The following SLC6A16 variants were observed in gnomAD, a reference collection of about 807,000 sequenced individuals.
The protein encoded by SLC6A16 is orphan sodium- and chloride-dependent neurotransmitter transporter NTT5.
In SLC6A16, 54 loss-of-function variants were observed where a neutral mutation model predicts 65.4. The ratio of observed to expected loss-of-function variants is 0.83; its 90% CI spans 0.66 to 1.04. The LOEUF is 1.04. SLC6A16 is among the 50% of genes least tolerant of loss of function. The probability of loss-of-function intolerance (pLI) is 0.00; values close to 1 mark genes in which losing one functional copy is unlikely to be tolerated. For missense variants in SLC6A16, 816 were observed against 914.0 expected, an observed-to-expected ratio of 0.89 and a Z score of 1.38; for synonymous variants, 330 against 346.5, an observed-to-expected ratio of 0.95 and a Z score of 0.53.
chr19:49,318,868 ATTTTTT>A (rs71180618), intron 1 of SLC6A16, among the ~76,000 whole-genome samples: 6 of 104,584 alleles, frequency 5.7e-5, no homozygotes, highest in African/African-American at 2.3e-4. Flanking sequence ...ACAACTGGCT[ATTTTTT>A]TTTTTTTTTT....
At chr19:49,329,641 T>C (rs1051019828), upstream of SLC6A16, among the ~76,000 whole-genome samples, 1 of 142,794 alleles carries the variant, frequency 7.0e-6, no homozygotes, top group African/African-American at 2.6e-5. Context: ...TTTTTTTTTT[T>C]TTTTTTGAGA....
intron 7 of SLC6A16, among the ~76,000 whole-genome samples, chr19:49,306,826 G>A (rs999761429): frequency 6.6e-6 from 1 of 152,050 alleles, no homozygotes; most frequent in Non-Finnish European, 1.5e-5. Context: ...ATAGGCATGA[G>A]CCACCGCACC....
upstream of SLC6A16, among the ~76,000 whole-genome samples, chr19:49,329,122 C>A (rs1248426468): frequency 6.6e-6 from 1 of 151,996 alleles, no homozygotes; most frequent in Non-Finnish European, 1.5e-5. Flanking sequence ...AGATAGAGTC[C>A]TGCTCTGTTG....
intron 1 of SLC6A16, among the ~76,000 whole-genome samples, chr19:49,312,955 C>T (rs1430827579): frequency 1.3e-5 from 2 of 151,740 alleles, no homozygotes; most frequent in East Asian, 1.9e-4. Flanking sequence ...CAGTGGCTCA[C>T]GCCTGTAATC....
chr19:49,294,456 T>C lies in SLC6A16; in HGVS notation c.1327A>G (p.Asn443Asp), dbSNP rs1452248110. The C allele has an allele frequency of 1.4e-5, 23 of 1,614,042 alleles. No homozygotes were observed. Among genetic ancestry groups the C allele is most frequent in the Non-Finnish European group, 1.8e-5 (21 of 1,180,002 alleles). Residue 443 changes from asparagine (N) to aspartate (D), a missense_variant, in exon 8 of 12, where the codon AAT becomes GAT. Asn to Asp is a conservative substitution (Grantham distance 23). Transcript: ENST00000335875. ...TGGGGAAGGCCACTGAGCCAGGCAT[T>C]GTAGATGGAGGTTGGGTTGTAAAGC... ...NLLYNPTSIY[N>D]AWLSGLPQHI...
the SLC6A16 span, chr19:49,339,661 A>G: frequency 1.4e-6 from 2 of 1,427,218 alleles, no homozygotes; most frequent in Non-Finnish European, 9.1e-7. The surrounding 1 kb of genome is among the most constrained non-coding windows in gnomAD (Gnocchi z 4.5). Flanking sequence ...TCCGCAGATG[A>G]CTGTCATGGT....
chr19:49,335,759 G>A, the SLC6A16 span: 20 of 1,613,432 alleles, frequency 1.2e-5, no homozygotes, highest in Middle Eastern at 1.6e-4. This position sits in a 1 kb window ranked among gnomAD's most constrained non-coding sequence, Gnocchi z 4.6. Flanking sequence ...GATCCTCATT[G>A]ACAAGACCAG....
intron 1 of SLC6A16, 47 bp from the exon 2 acceptor site, chr19:49,311,458 A>T (rs1600640829): frequency 2.5e-6 from 3 of 1,223,918 alleles, no homozygotes; most frequent in East Asian, 4.9e-5. Context: ...GAGTCAAGTA[A>T]CTACTGAGTT....
rs1041790250 is a variant in SLC6A16 at position 49,289,882 on chromosome 19, T to C, written c.*241A>G. ...AGACATCACTAGTATTGTATATGTG[T>C]TGTGCATGTATGTGTGTTGAGGAAG... On this transcript the variant is annotated 3_prime_UTR_variant, in exon 12 of 12. Coordinates refer to ENST00000335875, the MANE Select transcript of SLC6A16 (RefSeq NM_014037.3). The C allele has an allele frequency of 3.6e-6, 2 of 548,386 alleles. No homozygotes were observed. Among genetic ancestry groups the C allele is most frequent in the Admixed American group, 6.4e-5 (2 of 31,486 alleles). 34.0% of individuals were successfully genotyped at this position (548,386 alleles called of 1,614,324 possible). A position where few individuals can be genotyped will look rare whatever the true frequency, so the allele number is the denominator to read the frequency against.
intron 7 of SLC6A16, chr19:49,306,053 C>A (rs1055445196): frequency 6.6e-6 from 1 of 152,182 alleles, no homozygotes; most frequent in African/African-American, 2.4e-5. Flanking sequence ...AATCCCAGCA[C>A]TTTGGGAGGC....
chr19:49,306,611 C>T (rs888086652), intron 7 of SLC6A16, among the ~76,000 whole-genome samples: 5 of 147,732 alleles, frequency 3.4e-5, no homozygotes, highest in Non-Finnish European at 7.4e-5. Context: ...GGCACAATCT[C>T]AGCTCACTGC....
chr19:49,339,974 G>A, the SLC6A16 span: 13 of 1,424,794 alleles, frequency 9.1e-6, no homozygotes, highest in African/African-American at 1.6e-4. This position sits in a 1 kb window ranked among gnomAD's most constrained non-coding sequence, Gnocchi z 4.5. Flanking sequence ...GAGGCAGAGG[G>A]GGAAGACAGA....
At chr19:49,331,983 T>G in the SLC6A16 span, 1 of 448,122 alleles carries the variant, frequency 2.2e-6, no homozygotes, top group Non-Finnish European at 4.5e-6. Flanking sequence ...GATTGGTGTA[T>G]TAGTCTCCTA....
upstream of SLC6A16, among the ~76,000 whole-genome samples, chr19:49,329,087 A>C (rs1385460436): frequency 6.6e-6 from 1 of 152,132 alleles, no homozygotes; most frequent in African/African-American, 2.4e-5. Context: ...AGTAGGTAAG[A>C]AATGTTTATT....
At chr19:49,340,054 G>T in the SLC6A16 span, 1 of 1,504,160 alleles carries the variant, frequency 6.6e-7, no homozygotes, top group South Asian at 1.3e-5. Context: ...ACCCCCACTT[G>T]TAGCAGCTAT....
chr19:49,300,284 G>A (rs1247042554), intron 7 of SLC6A16, among the ~76,000 whole-genome samples: 1 of 152,176 alleles, frequency 6.6e-6, no homozygotes, highest in Non-Finnish European at 1.5e-5. Flanking sequence ...GATGCAGTGA[G>A]CTGAGATTGC....
In SLC6A16 at chr19:49,294,403, C is replaced by T; in HGVS notation, c.1380G>A (p.Glu460=). The change falls in exon 8 of 12, where the codon GAG becomes GAA. Residue 460 remains glutamate, a synonymous_variant. Transcript: ENST00000335875. ...GAGTCTCTATGTTGCACTCAGTCAC[C>T]TCGCGGAGAACCATGCTTTTGATGT... The part of the protein sequence containing the change: ...PQHIKSMVLR[E]VTECNIETQF... The T allele has an allele frequency of 6.2e-7, 1 of 1,614,120 alleles. No homozygotes were observed. Among genetic ancestry groups the T allele is most frequent in the Non-Finnish European group, 8.5e-7 (1 of 1,180,030 alleles).
intron 1 of SLC6A16, among the ~76,000 whole-genome samples, chr19:49,321,627 T>C (rs773480453): frequency 6.6e-6 from 1 of 152,072 alleles, no homozygotes; most frequent in African/African-American, 2.4e-5. Flanking sequence ...TCCCAGCTAC[T>C]TGGGAGGCTA....
chr19:49,333,989 C>T, the SLC6A16 span, among the ~76,000 whole-genome samples: 41,643 of 152,152 alleles, frequency 0.27, 5,955 homozygotes, highest in South Asian at 0.44. Flanking sequence ...CAGGAAGTAC[C>T]GCCTGATGCT....
Sources: gnomAD v4.1 joint callset for allele counts (sites outside exome capture counted in the v4.1 genomes callset) on GRCh38, gnomAD v4.1.1 for gene constraint, Gnocchi (gnomAD v3.1) non-coding constraint, MANE v1.5 for transcripts, NCBI Gene and HGNC (gene_info 2026-07-23, HGNC 2026-07-21) for gene names.